The following NAA15 variants were observed in gnomAD, a reference collection of about 807,000 sequenced individuals.
NAA15 encodes the protein N-alpha-acetyltransferase 15, NatA auxiliary subunit, also known as N-terminal acetyltransferase.
A neutral mutation model predicts 114.0 loss-of-function variants in NAA15; 34 were observed. That is an observed-to-expected ratio of 0.30 (90% CI 0.23 to 0.40). NAA15 has a LOEUF of 0.40. Among genes scored for constraint, NAA15 ranks in the 10% least tolerant of loss-of-function variants. The probability of loss-of-function intolerance (pLI) is 1.00; values close to 1 mark genes in which losing one functional copy is unlikely to be tolerated. For synonymous variants in NAA15, 340 were observed against 338.0 expected, an observed-to-expected ratio of 1.01 and a Z score of -0.06; for missense variants, 658 against 1,004.5, an observed-to-expected ratio of 0.66 and a Z score of 4.66.
At chr4:139,325,964 T>A (rs1579094403) in intron 1 of NAA15, among the ~76,000 whole-genome samples, 1 of 152,228 alleles carries the variant, frequency 6.6e-6, no homozygotes, top group African/African-American at 2.4e-5. Flanking sequence ...TATATTTGTA[T>A]AGGTTCACAT....
intron 10 of NAA15, 66 bp from the exon 11 acceptor site, chr4:139,357,320 C>A: frequency 7.2e-7 from 1 of 1,395,676 alleles, no homozygotes; most frequent in Non-Finnish European, 1.0e-6. Flanking sequence ...ACATAGGGAC[C>A]ATTTTGGGGG....
intron 11 of NAA15, among the ~76,000 whole-genome samples, chr4:139,358,415 C>G (rs909371807): frequency 2.6e-5 from 4 of 151,860 alleles, no homozygotes; most frequent in African/African-American, 7.3e-5. Context: ...AGGCTGGTCT[C>G]GAACTCCTGG....
chr4:139,355,881 A>G (rs1248986143), intron 10 of NAA15, among the ~76,000 whole-genome samples: 1 of 152,198 alleles, frequency 6.6e-6, no homozygotes, highest in Non-Finnish European at 1.5e-5. Flanking sequence ...CCAACTGGTG[A>G]TACTCTATTA....
chr4:139,329,234 T>G (rs534971344), intron 1 of NAA15, among the ~76,000 whole-genome samples: 2 of 152,254 alleles, frequency 1.3e-5, no homozygotes, highest in East Asian at 3.9e-4. Context: ...TCGAATATAT[T>G]TCATTTTCCT....
At chr4:139,304,066 C>G (rs552154808) in intron 1 of NAA15, among the ~76,000 whole-genome samples, 65 of 152,248 alleles carry the variant, frequency 4.3e-4, no homozygotes, top group African/African-American at 1.4e-3. Context: ...TACAGGTGCC[C>G]GCCACCACGC....
At position 139,386,251 on chromosome 4, in the gene NAA15, T is replaced by C. The variant is rs375114849; in HGVS notation, c.2400+21T>C. ...TCCAGGTAAAGAGTTTTTCATAATC[T>C]CTCTGTAAGAATACTTAACTACTTT... On this transcript the variant is annotated intron_variant, in intron 19 of 19. Coordinates refer to ENST00000296543, the MANE Select transcript of NAA15 (RefSeq NM_057175.5). 17 of 1,378,752 alleles carry C rather than the reference T, an allele frequency of 1.2e-5. No homozygotes were observed. The South Asian group carries it at 2.1e-4, about 17-fold the overall frequency. 85.4% of individuals were successfully genotyped at this position (1,378,752 alleles called of 1,614,324 possible). A position where few individuals can be genotyped will look rare whatever the true frequency, so the allele number is the denominator to read the frequency against.
At chr4:139,353,181 A>C (rs1334286964) in intron 9 of NAA15, among the ~76,000 whole-genome samples, 1 of 152,202 alleles carries the variant, frequency 6.6e-6, no homozygotes, top group Non-Finnish European at 1.5e-5. Flanking sequence ...TCTTAAGTTT[A>C]CACAATACTG....
At chr4:139,340,138 A>G (rs546600000) in intron 3 of NAA15, among the ~76,000 whole-genome samples, 80 of 152,244 alleles carry the variant, frequency 5.3e-4, no homozygotes, top group Non-Finnish European at 9.7e-4. Flanking sequence ...CTTGGGCAAC[A>G]TGGCGAGATC....
intron 9 of NAA15, among the ~76,000 whole-genome samples, chr4:139,352,868 A>G (rs920518360): frequency 4.0e-5 from 6 of 150,652 alleles, no homozygotes; most frequent in Admixed American, 2.6e-4. Context: ...GGGTTTGACC[A>G]TGTTGGCCAG....
At chr4:139,349,782 C>T (rs374430563) in intron 7 of NAA15, among the ~76,000 whole-genome samples, 7 of 151,410 alleles carry the variant, frequency 4.6e-5, no homozygotes, top group Middle Eastern at 6.8e-3. Context: ...CTCAGGAGTT[C>T]GAGACCAGCC....
At chr4:139,321,502 C>G (rs10032107) in intron 1 of NAA15, among the ~76,000 whole-genome samples, 1 of 129,934 alleles carries the variant, frequency 7.7e-6, no homozygotes, top group Non-Finnish European at 1.6e-5. Flanking sequence ...AACGGAGTCT[C>G]GCTTTGTTGC....
intron 1 of NAA15, among the ~76,000 whole-genome samples, chr4:139,316,805 A>G (rs888785932): frequency 1.3e-5 from 2 of 151,766 alleles, no homozygotes; most frequent in Non-Finnish European, 2.9e-5. Flanking sequence ...ATTTGTTGCC[A>G]CAGTGAAATG....
chr4:139,377,275 G>A (rs1466484889), intron 16 of NAA15, among the ~76,000 whole-genome samples: 1 of 152,178 alleles, frequency 6.6e-6, no homozygotes, highest in African/African-American at 2.4e-5. Flanking sequence ...AGCGGCTCAT[G>A]ACTGTAATCC....
intron 18 of NAA15, among the ~76,000 whole-genome samples, chr4:139,385,775 T>G (rs1365616536): frequency 6.6e-6 from 1 of 152,208 alleles, no homozygotes; most frequent in Non-Finnish European, 1.5e-5. Context: ...ACCTCCACAT[T>G]ATTCTGCTTA....
At chr4:139,362,503 C>A (rs2110961399) in intron 14 of NAA15, among the ~76,000 whole-genome samples, 1 of 152,272 alleles carries the variant, frequency 6.6e-6, no homozygotes. Flanking sequence ...GAACCCCTGA[C>A]CTCAAGTGAT....
chr4:139,334,313 A>G (rs934825629), intron 2 of NAA15, 55 bp downstream of exon 2: 2 of 1,160,282 alleles, frequency 1.7e-6, no homozygotes, highest in African/African-American at 1.6e-5. Flanking sequence ...CTCTTACTGG[A>G]TTGTATTCTT....
intron 1 of NAA15, among the ~76,000 whole-genome samples, chr4:139,313,829 G>GC (rs1475719875): frequency 6.6e-6 from 1 of 151,922 alleles, no homozygotes; most frequent in Middle Eastern, 3.4e-3. Flanking sequence ...GAGCCACCGC[G>GC]CCCGGCCTGT....
At chr4:139,304,425 G>T (rs570652670) in intron 1 of NAA15, among the ~76,000 whole-genome samples, 1 of 152,280 alleles carries the variant, frequency 6.6e-6, no homozygotes, top group South Asian at 2.1e-4. Context: ...GTGAGTGCTC[G>T]CGCACGCGGG....
chr4:139,318,982 C>T (rs1186604700), intron 1 of NAA15, among the ~76,000 whole-genome samples: 1 of 152,080 alleles, frequency 6.6e-6, no homozygotes, highest in Non-Finnish European at 1.5e-5. Flanking sequence ...TAGTTTGGAT[C>T]AGTATATCTA....
Sources: allele counts gnomAD v4.1 joint callset (sites outside exome capture counted in the v4.1 genomes callset), GRCh38; gene constraint gnomAD v4.1.1; transcripts MANE v1.5; gene names NCBI Gene and HGNC (gene_info 2026-07-23, HGNC 2026-07-21).